CHN2: variants seen among roughly 807,000 people sequenced by gnomAD.
The protein encoded by CHN2 is beta-chimaerin.
Under a neutral mutation model 56.3 loss-of-function variants are expected in CHN2, and 35 were observed. The ratio of observed to expected loss-of-function variants is 0.62; its 90% confidence interval spans 0.47 to 0.82. CHN2 has a LOEUF of 0.82. Among genes scored for constraint, CHN2 ranks in the 40% least tolerant of loss-of-function variants. The pLI, the probability that CHN2 is intolerant of heterozygous loss-of-function variation, is 0.00. For missense variants in CHN2, 491 were observed against 580.5 expected (o/e 0.85, Z 1.58); for synonymous variants, 210 against 212.8 (o/e 0.99, Z 0.12).
intron 7 of CHN2, 124 bp from the exon 8 acceptor site, chr7:29,495,828 T>C (rs1562659336): frequency 2.8e-6 from 2 of 721,606 alleles, no homozygotes; most frequent in Non-Finnish European, 4.8e-6. Context: ...TGTTTGCAAC[T>C]GCTTTACTGG....
At chr7:29,173,634 GA>G (rs1796893145) in intron 2 of CHN2, among the ~76,000 whole-genome samples, 1 of 152,096 alleles carries the variant, frequency 6.6e-6, no homozygotes, top group Non-Finnish European at 1.5e-5. Flanking sequence ...TGGGAGGAAG[GA>G]GGGGGTTGTT....
intron 2 of CHN2, among the ~76,000 whole-genome samples, chr7:29,173,204 G>C (rs1016279384): frequency 1.3e-5 from 2 of 151,784 alleles, no homozygotes; most frequent in African/African-American, 4.8e-5. Context: ...TAAGCTTATA[G>C]GAAAGTCAAG....
intron 6 of CHN2, among the ~76,000 whole-genome samples, chr7:29,435,848 G>GA (rs539300440): frequency 7.6e-5 from 11 of 143,934 alleles, no homozygotes; most frequent in Middle Eastern, 7.5e-3. Flanking sequence ...ATTAAGCTGA[G>GA]AAAAAAAATT....
intron 7 of CHN2, among the ~76,000 whole-genome samples, chr7:29,487,518 A>G (rs1362055415): frequency 6.6e-6 from 1 of 152,210 alleles, no homozygotes; most frequent in Non-Finnish European, 1.5e-5. Context: ...CCTGGAAACT[A>G]TCTTAAGCTA....
At chr7:29,380,679 A>C (rs1008419203) in intron 3 of CHN2, 1 of 152,224 alleles carries the variant, frequency 6.6e-6, no homozygotes, top group African/African-American at 2.4e-5. Flanking sequence ...GGAATTTACT[A>C]ACAAGAGTGA....
Position 29,437,597 on chromosome 7 carries a change from C to CAAAAAA in CHN2, c.576+36780_576+36785dup, listed in dbSNP as rs11436612. ...TGGGCGACAGAGCGAGACTCCGTCTCAAAAAAAAAAAAAAAAGATATCTAA... is the reference window on the plus strand; with the variant it reads ...TGGGCGACAGAGCGAGACTCCGTCTCAAAAAAAAAAAAAAAAAAAAAAGATATCTAA... On this transcript the variant is annotated intron_variant, in intron 6 of 12. Coordinates refer to ENST00000222792, the MANE Select transcript of CHN2 (RefSeq NM_004067.4). Among the ~76,000 whole-genome samples the CAAAAAA allele has an allele frequency of 4.2e-3, 222 of 52,580 alleles. 11 individuals carry two copies. In the East Asian group the frequency reaches 0.069, roughly 16 times the overall value. The allele number at this position is 52,580 out of a possible 152,430, so 34.5% of individuals were successfully genotyped here.
At chr7:29,432,897 G>A (rs1302323821) in intron 6 of CHN2, among the ~76,000 whole-genome samples, 1 of 152,200 alleles carries the variant, frequency 6.6e-6, no homozygotes, top group Non-Finnish European at 1.5e-5. Flanking sequence ...AAAGGTTTGT[G>A]TGGAACCAGA....
intron 1 of CHN2, among the ~76,000 whole-genome samples, chr7:29,352,730 A>T (rs1797982573): frequency 6.6e-6 from 1 of 152,102 alleles, no homozygotes; most frequent in South Asian, 2.1e-4. Flanking sequence ...CTCAAAAAAC[A>T]AACAAACAAA....
rs533342468 is a variant in CHN2, at chr7:29,479,363, A to G, written c.577-916A>G. Among the ~76,000 whole-genome samples, 4 of 152,326 alleles carry G rather than the reference A, an allele frequency of 2.6e-5. No homozygotes were observed. The East Asian group carries it at 5.8e-4, about 22-fold the overall frequency. On this transcript the variant is annotated intron_variant, in intron 6 of 12. Transcript: ENST00000222792. Reference sequence around the variant, plus strand: ...GGGTTTGAGCAGAGTTTGTTCGTGCAGGAAGGACAGGAGAGACCGGGGAGT... The same window carrying G: ...GGGTTTGAGCAGAGTTTGTTCGTGCGGGAAGGACAGGAGAGACCGGGGAGT...
intron 2 of CHN2, chr7:29,185,433 T>C (rs550553162): frequency 1.3e-5 from 2 of 152,360 alleles, no homozygotes; most frequent in African/African-American, 2.4e-5. Context: ...TACACGCTCT[T>C]GATAAGAATT....
At chr7:29,308,464 TG>T (rs1392619400) in intron 1 of CHN2, among the ~76,000 whole-genome samples, 3 of 1,782 alleles carry the variant, frequency 1.7e-3, no homozygotes, top group African/African-American at 0.028. Flanking sequence ...GTGGTTGGGG[TG>T]TGTGTGTGTG....
At chr7:29,493,340 C>G (rs1788866356) in intron 7 of CHN2, among the ~76,000 whole-genome samples, 1 of 152,176 alleles carries the variant, frequency 6.6e-6, no homozygotes, top group East Asian at 1.9e-4. Flanking sequence ...ATGAAATCAC[C>G]CAAGGATGCT....
chr7:29,507,424 C>G (rs1357797424), intron 11 of CHN2, 59 bp downstream of exon 11: 2 of 1,284,856 alleles, frequency 1.6e-6, no homozygotes, highest in Non-Finnish European at 1.1e-6. Flanking sequence ...GTGCTTTTGA[C>G]CTTCAGATAA....
chr7:29,377,499 C>T (rs1448213282), intron 3 of CHN2, among the ~76,000 whole-genome samples: 1 of 152,238 alleles, frequency 6.6e-6, no homozygotes, highest in East Asian at 1.9e-4. Context: ...ATACTAAATT[C>T]ATTATCGTAT....
intron 1 of CHN2, among the ~76,000 whole-genome samples, chr7:29,232,917 A>C (rs995896539): frequency 2.0e-5 from 3 of 152,200 alleles, no homozygotes; most frequent in African/African-American, 7.2e-5. Context: ...TCATGTGTAC[A>C]TATTATGGTC....
intron 2 of CHN2, among the ~76,000 whole-genome samples, chr7:29,364,745 G>GCTTTTT (rs967201903): frequency 6.6e-6 from 1 of 152,108 alleles, no homozygotes; most frequent in Non-Finnish European, 1.5e-5. Flanking sequence ...ATCTCTTATA[G>GCTTTTT]CTTTTTCTTT....
At chr7:29,149,071 G>A (rs1039392149) in intron 2 of CHN2, among the ~76,000 whole-genome samples, 2 of 152,110 alleles carry the variant, frequency 1.3e-5, no homozygotes, top group South Asian at 2.1e-4. Context: ...AGGGTGGGTC[G>A]GGGGTTAACT....
chr7:29,307,851 C>T (rs1450611883), intron 1 of CHN2, among the ~76,000 whole-genome samples: 5 of 152,150 alleles, frequency 3.3e-5, no homozygotes, highest in African/African-American at 9.7e-5. Context: ...AAGAACCCAG[C>T]CCAGAAAACA....
chr7:29,498,819 T>C (rs145542647), intron 8 of CHN2, among the ~76,000 whole-genome samples: 6,007 of 138,858 alleles, frequency 0.043, 196 homozygotes, highest in East Asian at 0.16. Context: ...TGGAGTGCGG[T>C]GGCGCAATCT....
Sources: gnomAD v4.1 joint callset for allele counts (sites outside exome capture counted in the v4.1 genomes callset) on GRCh38, gnomAD v4.1.1 for gene constraint, MANE v1.5 for transcripts, NCBI Gene and HGNC (gene_info 2026-07-23, HGNC 2026-07-21) for gene names.